The following TEPSIN variants were observed in gnomAD, a reference collection of about 807,000 sequenced individuals.
TEPSIN encodes AP-4 complex accessory subunit tepsin.
TEPSIN carries 50 observed loss-of-function variants against 48.5 expected under a neutral mutation model. The ratio of observed to expected loss-of-function variants is 1.03; its 90% CI spans 0.82 to 1.31. TEPSIN has a LOEUF of 1.31. Among genes scored for constraint, TEPSIN ranks in the 50% most tolerant of loss-of-function variants. TEPSIN has a pLI of 0.00. For missense variants in TEPSIN, 838 were observed against 815.9 expected (o/e 1.03, Z -0.33); for synonymous variants, 392 against 358.8 (o/e 1.09, Z -1.05).
chr17:81,238,119 C>G, intron 1 of TEPSIN: 1 of 985,716 alleles, frequency 1.0e-6, no homozygotes, highest in Non-Finnish European at 1.2e-6. Flanking sequence ...TGGGACCCAC[C>G]GCGTGAGGTG....
chr17:81,237,450 G>C lies in TEPSIN; in HGVS notation c.58C>G (p.Leu20Val), dbSNP rs2062744146. ...TCATCATCGGACGTCCCCTTCAGGA[G>C]AATCGGGAGCTGAAAGGGAACAAGA... is the stretch of plus-strand genomic sequence containing the variant. ...RLSFLHRLPI[L>V]LKGTSDDDVP... Residue 20 changes from leucine (L) to valine (V), a missense_variant, in exon 2 of 13, where the codon CTC (leucine) becomes GTC (valine). Transcript: ENST00000637944. 6.2e-7 allele frequency: 1 copy of C among 1,609,970 alleles called. No individual in the cohort carries two copies.
In TEPSIN at chr17:81,229,434, C is replaced by T. The variant is rs1339156950; in HGVS notation, c.1276G>A (p.Ala426Thr). Reference sequence around the variant, plus strand: ...CCAGGCTCAGCTGAGGTGCCCCGGGCAGGGGACAGCTGCCCACAGGAGGCC... The same window carrying T: ...CCAGGCTCAGCTGAGGTGCCCCGGGTAGGGGACAGCTGCCCACAGGAGGCC... ...FEASCGQLSP[A>T]RGTSAEPGPT... Residue 426 changes from alanine to threonine, a missense_variant, in exon 13 of 13, where the codon GCC (alanine) becomes ACC (threonine). Physicochemically the swap from Ala to Thr is moderately conservative, Grantham distance 58 (BLOSUM62 0). Coordinates refer to ENST00000637944, the MANE Select transcript of TEPSIN (RefSeq NM_001363764.2). 2 of 1,549,848 alleles carry T rather than the reference C, an allele frequency of 1.3e-6. No homozygotes were observed. The highest frequency in any genetic ancestry group is 2.7e-5 in the African/African-American group (2 of 73,060).
In TEPSIN at chr17:81,230,755, C is replaced by CT. The variant is rs2062578925; in HGVS notation, c.1099-78dup. 1 of 1,440,272 alleles carries CT rather than the reference C, an allele frequency of 6.9e-7. No homozygotes were observed. The highest frequency in any genetic ancestry group is 9.1e-7 in the Non-Finnish European group (1 of 1,093,046). 89.2% of individuals were successfully genotyped at this position (1,440,272 alleles called of 1,614,324 possible). A position where few individuals can be genotyped will look rare whatever the true frequency, so the allele number is the denominator to read the frequency against. ...CAGGGAGGCCTATTTGGCCATCTCT[C>CT]TCCCTCTTCTTCCTCCTCATCAATG... On this transcript the variant is annotated intron_variant, in intron 11 of 12. Coordinates refer to ENST00000637944, the MANE Select transcript of TEPSIN (RefSeq NM_001363764.2). The surrounding 1 kb of genome is among the most constrained non-coding windows in gnomAD (Gnocchi z 4.2).
Position 81,239,010 on chromosome 17 carries a change from C to T in TEPSIN, c.24G>A (p.Arg8=). The change falls in exon 1 of 13, where the codon CGG becomes CGA. Residue 8 remains arginine (R), a synonymous_variant. Coordinates refer to ENST00000637944, the MANE Select transcript of TEPSIN (RefSeq NM_001363764.2). ...CCCGGTGTAGAAAGCTCAGGCGGTC[C>T]CGTAGCGGCGGCGCGGCAGCCATGA... MAAAPPL[R]DRLSFLHRLP... is the part of the protein sequence containing the mutation. The T allele has an allele frequency of 6.7e-7, 1 of 1,489,556 alleles. No homozygotes were observed. The highest frequency in any genetic ancestry group is 8.9e-7 in the Non-Finnish European group (1 of 1,124,932). The allele number at this position is 1,489,556 out of a possible 1,614,324, so 92.3% of individuals were successfully genotyped here.
chr17:81,229,831 C>T (rs1460788405), intron 12 of TEPSIN: 13 of 325,630 alleles, frequency 4.0e-5, no homozygotes, highest in Admixed American at 9.8e-5. Flanking sequence ...AACTGTTGGA[C>T]GCAGGGTTCT....
rs1273778022 is a variant in TEPSIN at position 81,233,604 on chromosome 17, G to A, written c.454+34C>T. On this transcript the variant is annotated intron_variant, in intron 6 of 12. Coordinates refer to ENST00000637944, the MANE Select transcript of TEPSIN (RefSeq NM_001363764.2). This position sits in a 1 kb window ranked among gnomAD's most constrained non-coding sequence, Gnocchi z 5.8. ...ACACTCAAGGAGGCAGAAACCAGGT[G>A]CCAGAGCTGGACACGGTCCCCTCAG... 3.8e-6 allele frequency: 6 copies of A among 1,579,010 alleles called. No homozygotes were observed. The South Asian group carries it at 5.8e-5, about 15-fold the overall frequency.
chr17:81,233,375 ACCT>A lies in TEPSIN; in HGVS notation c.526+54_526+56del. ...GGGGCGGCATGGTCCGGCCCCCACC[ACCT>A]CCTCATCCCCACACCCTGAGATGCC... On this transcript the variant is annotated intron_variant, in intron 7 of 12. Transcript: ENST00000637944. The surrounding 1 kb of genome is among the most constrained non-coding windows in gnomAD (Gnocchi z 5.8). The A allele has an allele frequency of 6.3e-7, 1 of 1,582,268 alleles. No individual in the cohort carries two copies. The highest frequency in any genetic ancestry group is 1.1e-5 in the South Asian group (1 of 88,014).
rs2062562229 is a variant in TEPSIN, at chr17:81,230,249, G to A, written c.1233+295C>T. On this transcript the variant is annotated intron_variant, in intron 12 of 12. Coordinates refer to ENST00000637944, the MANE Select transcript of TEPSIN (RefSeq NM_001363764.2). This position sits in a 1 kb window ranked among gnomAD's most constrained non-coding sequence, Gnocchi z 4.2. The stretch of plus-strand genomic sequence containing the variant: ...AGGGCTTCCTGGAAGAGGTAAGTGT[G>A]AGGCCAAGACACAAGGGCAGGAACA... The A allele has an allele frequency of 2.3e-6, 1 of 432,858 alleles. No individual in the cohort carries two copies. Among genetic ancestry groups the A allele is most frequent in the Non-Finnish European group, 4.2e-6 (1 of 239,832 alleles). The allele number at this position is 432,858 out of a possible 1,614,324, so 26.8% of individuals were successfully genotyped here.
At position 81,234,838 on chromosome 17, in the gene TEPSIN, C is replaced by A. The variant is rs932604442; in HGVS notation, c.308-790G>T. Among the ~76,000 whole-genome samples, 2 of 152,096 alleles carry A rather than the reference C, an allele frequency of 1.3e-5. No homozygotes were observed. Among genetic ancestry groups the A allele is most frequent in the Admixed American group, 6.5e-5 (1 of 15,272 alleles). ...CCTGCCACCCCACGCTGCCCCTGCT[C>A]TGTGACAGAGCAGGAGCATCACCAT... On this transcript the variant is annotated intron_variant, in intron 4 of 12. Coordinates refer to ENST00000637944, the MANE Select transcript of TEPSIN (RefSeq NM_001363764.2). This position sits in a 1 kb window ranked among gnomAD's most constrained non-coding sequence, Gnocchi z 5.4.
chr17:81,237,946 CGT>C (rs2062754835), intron 1 of TEPSIN: 1 of 999,982 alleles, frequency 1.0e-6, no homozygotes, highest in African/African-American at 1.7e-5. Context: ...CGACTGATGT[CGT>C]GTGTTTTACG....
chr17:81,232,006 G>A lies in TEPSIN; in HGVS notation c.746C>T (p.Pro249Leu), dbSNP rs754881954. ...IPGPRAVRHQ[P>L]GQAGGGWDEL... ...ATCCCAGCCCCCTCCGGCCTGCCCA[G>A]GCTGATGCCTCACAGCTGGAGGAAA... The change falls in exon 9 of 13, where the codon CCT becomes CTT. Residue 249 changes from proline to leucine, a missense_variant. Physicochemically the swap from Pro to Leu is moderately conservative, Grantham distance 98. Coordinates refer to ENST00000637944, the MANE Select transcript of TEPSIN (RefSeq NM_001363764.2). The A allele has an allele frequency of 1.2e-6, 2 of 1,610,070 alleles. No individual in the cohort carries two copies. Among genetic ancestry groups the A allele is most frequent in the Non-Finnish European group, 1.7e-6 (2 of 1,179,816 alleles).
intron 1 of TEPSIN, chr17:81,238,203 G>A (rs2062761052): frequency 3.0e-6 from 3 of 984,880 alleles, no homozygotes; most frequent in Admixed American, 6.1e-5. Context: ...TGTTTCCCGA[G>A]GCTGTGGACA....
Position 81,233,820 on chromosome 17 carries a change from A to T in TEPSIN, c.376-104T>A. On this transcript the variant is annotated intron_variant, in intron 5 of 12. Transcript: ENST00000637944. This position sits in a 1 kb window ranked among gnomAD's most constrained non-coding sequence, Gnocchi z 5.8. ...TTCTGTCCCCCGGACACTTCTCCTGAGCCACTCAGCTGGACACAGGCTCTG... is the reference window on the plus strand; with the variant it reads ...TTCTGTCCCCCGGACACTTCTCCTGTGCCACTCAGCTGGACACAGGCTCTG... The T allele has an allele frequency of 7.2e-7, 1 of 1,393,106 alleles. No homozygotes were observed. The allele number at this position is 1,393,106 out of a possible 1,614,324, so 86.3% of individuals were successfully genotyped here.
At chr17:81,238,720 G>A (rs1432362012) in intron 1 of TEPSIN, 1 of 1,240,514 alleles carries the variant, frequency 8.1e-7, no homozygotes, top group East Asian at 3.3e-5. Context: ...ACTGAATGCT[G>A]GCCGAGGCCT....
At chr17:81,236,945 C>T in intron 3 of TEPSIN, 35 bp downstream of exon 3, 1 of 1,547,918 alleles carries the variant, frequency 6.5e-7, no homozygotes, top group Non-Finnish European at 8.7e-7. Flanking sequence ...GTGGGCCGGG[C>T]CTCAGGCCTG....
chr17:81,233,989 CCGCGCGAA>C lies in TEPSIN; in HGVS notation c.359_366del (p.Val120GlyfsTer92), dbSNP rs769521859. 65 of 1,599,340 alleles carry C rather than the reference CCGCGCGAA, an allele frequency of 4.1e-5. No individual in the cohort carries two copies. The highest frequency in any genetic ancestry group is 5.5e-5 in the Non-Finnish European group (65 of 1,175,952). On this transcript the variant is annotated frameshift_variant, in exon 5 of 13. Transcript: ENST00000637944. LOFTEE classifies it high-confidence loss of function. The surrounding 1 kb of genome is among the most constrained non-coding windows in gnomAD (Gnocchi z 5.8). ...ACTGCTCCTGGGCTCACCTGCGCGGCCGCGCGAACCTTCTGGTACAAGCTGTTCCCGTG... is the reference window on the plus strand; with the variant it reads ...ACTGCTCCTGGGCTCACCTGCGCGGCCCTTCTGGTACAAGCTGTTCCCGTG...
At chr17:81,237,204 T>C in intron 2 of TEPSIN, 133 bp from the exon 3 acceptor site, 2 of 1,187,618 alleles carry the variant, frequency 1.7e-6, no homozygotes, top group Non-Finnish European at 2.4e-6. Context: ...CAGGAGCACC[T>C]GGGCTTCTAG....
At chr17:81,237,806 G>A in intron 1 of TEPSIN, 1 of 320,504 alleles carries the variant, frequency 3.1e-6, no homozygotes, top group Non-Finnish European at 5.1e-6. Flanking sequence ...CTACTGACTA[G>A]CAAAGCCAAA....
intron 1 of TEPSIN, 111 bp downstream of exon 1, chr17:81,238,875 T>C (rs2062774239): frequency 7.3e-7 from 1 of 1,363,750 alleles, no homozygotes; most frequent in African/African-American, 1.5e-5. Context: ...CAGGAGCAGC[T>C]ACCCGGCGCG....
Sources: allele counts gnomAD v4.1 joint callset (sites outside exome capture counted in the v4.1 genomes callset), GRCh38; gene constraint gnomAD v4.1.1; non-coding constraint Gnocchi (gnomAD v3.1); transcripts MANE v1.5; gene names NCBI Gene and HGNC (gene_info 2026-07-23, HGNC 2026-07-21).